Variants in PEPD observed in about 807,000 individuals in gnomAD.
PEPD encodes peptidase D, also known as xaa-Pro dipeptidase.
A neutral mutation model predicts 60.7 loss-of-function variants in PEPD; 53 were observed. The ratio of observed to expected loss-of-function variants is 0.87; its 90% CI spans 0.70 to 1.10. The LOEUF (loss-of-function observed/expected upper bound fraction) is 1.10, where lower values mean the gene tolerates loss of function less well. PEPD is among the 50% of genes least tolerant of loss of function. PEPD has a pLI of 0.00. For missense variants in PEPD, 711 were observed against 711.9 expected (o/e 1.00, Z 0.01); for synonymous variants, 267 against 284.1 (o/e 0.94, Z 0.60).
At chr19:33,462,405 C>T (rs1969941835) in intron 9 of PEPD, among the ~76,000 whole-genome samples, 1 of 152,194 alleles carries the variant, frequency 6.6e-6, no homozygotes, top group Non-Finnish European at 1.5e-5. Flanking sequence ...TTGGGTCTGA[C>T]CCAAAGGTTT....
At chr19:33,501,391 T>C (rs755638825) in intron 3 of PEPD, among the ~76,000 whole-genome samples, 1 of 152,158 alleles carries the variant, frequency 6.6e-6, no homozygotes, top group Non-Finnish European at 1.5e-5. Context: ...ATGGAGCATC[T>C]TTAAAGGAAA....
At chr19:33,468,331 A>C (rs758512358) in intron 7 of PEPD, among the ~76,000 whole-genome samples, 6 of 152,254 alleles carry the variant, frequency 3.9e-5, no homozygotes, top group Admixed American at 3.3e-4. Context: ...GTGTCTGAGG[A>C]TGCAGACCAG....
chr19:33,510,855 T>C (rs1439507153), intron 3 of PEPD, among the ~76,000 whole-genome samples, 173 bp downstream of exon 3: 2 of 152,038 alleles, frequency 1.3e-5, no homozygotes, highest in Non-Finnish European at 2.9e-5. Context: ...CAGCCAAGGG[T>C]GCAGGGCTCT....
intron 8 of PEPD, 62 bp downstream of exon 8, chr19:33,463,925 A>G: frequency 9.1e-7 from 1 of 1,101,090 alleles, no homozygotes; most frequent in South Asian, 1.3e-5. Context: ...ATCCTCACGC[A>G]GTTCTCTCGC....
chr19:33,475,993 AG>A (rs1970206738), intron 7 of PEPD, among the ~76,000 whole-genome samples: 1 of 152,112 alleles, frequency 6.6e-6, no homozygotes, highest in East Asian at 1.9e-4. Flanking sequence ...CCAAGAAGCT[AG>A]GACTATAGGA....
chr19:33,451,382 C>G (rs1969697093), intron 9 of PEPD, among the ~76,000 whole-genome samples: 1 of 152,124 alleles, frequency 6.6e-6, no homozygotes, highest in African/African-American at 2.4e-5. Context: ...AATTGTTTAA[C>G]TTTTGAACAT....
intron 9 of PEPD, among the ~76,000 whole-genome samples, chr19:33,460,476 T>C (rs940823496): frequency 3.9e-5 from 6 of 152,066 alleles, no homozygotes; most frequent in Admixed American, 1.3e-4. Flanking sequence ...GATGTGACAC[T>C]TTCCCCAGAC....
intron 9 of PEPD, among the ~76,000 whole-genome samples, chr19:33,415,365 C>A (rs1968869264): frequency 6.6e-6 from 1 of 152,210 alleles, no homozygotes; most frequent in Non-Finnish European, 1.5e-5. Context: ...GAGGAACTCA[C>A]ATATTCTACA....
chr19:33,430,339 AG>A (rs1969241623), intron 9 of PEPD, among the ~76,000 whole-genome samples: 1 of 152,082 alleles, frequency 6.6e-6, no homozygotes, highest in African/African-American at 2.4e-5. Context: ...AGAGACGGCG[AG>A]GTAGGGTTGA....
At chr19:33,473,007 T>C (rs1970152301) in intron 7 of PEPD, among the ~76,000 whole-genome samples, 2 of 152,142 alleles carry the variant, frequency 1.3e-5, no homozygotes, top group South Asian at 4.1e-4. Flanking sequence ...ACCAAAGCCA[T>C]GAAGAAAATG....
intron 9 of PEPD, among the ~76,000 whole-genome samples, chr19:33,441,722 G>T (rs1274100445): frequency 6.6e-6 from 1 of 152,240 alleles, no homozygotes; most frequent in Admixed American, 6.5e-5. Flanking sequence ...GTGGCTGGGG[G>T]ATCTGAGCCC....
chr19:33,401,579 A>T (rs1968491412), intron 12 of PEPD, 142 bp downstream of exon 12: 4 of 806,732 alleles, frequency 5.0e-6, no homozygotes, highest in Admixed American at 4.0e-5. Context: ...ACCTGACGCC[A>T]CTGGAATCTC....
chr19:33,456,384 C>A (rs529172450), intron 9 of PEPD, among the ~76,000 whole-genome samples: 50 of 152,188 alleles, frequency 3.3e-4, no homozygotes, highest in Non-Finnish European at 5.9e-4. Context: ...TCCCCCTAGG[C>A]ATGGCCAGCC....
Position 33,464,500 on chromosome 19 carries a change from G to A in PEPD, c.549-438C>T, listed in dbSNP as rs1031682483. 2.0e-5 allele frequency among the ~76,000 whole-genome samples: 3 copies of A among 152,158 alleles called. No homozygotes were observed. In the East Asian group the frequency reaches 5.8e-4, roughly 29 times the overall value. On this transcript the variant is annotated intron_variant, in intron 7 of 14. Transcript: ENST00000244137. Reference sequence around the variant, plus strand: ...CTGTCCTGTTGGCTGAAGAGGCCTCGTTTCCTCCCCACCCCCACCCACCTG... The same window carrying A: ...CTGTCCTGTTGGCTGAAGAGGCCTCATTTCCTCCCCACCCCCACCCACCTG...
At chr19:33,459,727 C>G (rs1311519217) in intron 9 of PEPD, among the ~76,000 whole-genome samples, 1 of 151,276 alleles carries the variant, frequency 6.6e-6, no homozygotes, top group Non-Finnish European at 1.5e-5. Flanking sequence ...GATAATAAAA[C>G]AAAAACAGAT....
intron 6 of PEPD, among the ~76,000 whole-genome samples, chr19:33,479,570 C>G (rs1970278646): frequency 6.6e-6 from 1 of 152,146 alleles, no homozygotes; most frequent in South Asian, 2.1e-4. Context: ...CTTCCTCCTC[C>G]CACCCTCCAC....
intron 4 of PEPD, among the ~76,000 whole-genome samples, chr19:33,493,614 C>T (rs1321661202): frequency 6.6e-6 from 1 of 152,148 alleles, no homozygotes; most frequent in Non-Finnish European, 1.5e-5. Context: ...ACACAGATCC[C>T]TGGCTCCAAG....
chr19:33,490,044 G>T lies in PEPD; in HGVS notation c.455C>A (p.Thr152Lys), dbSNP rs764150369. 6.2e-7 allele frequency: 1 copy of T among 1,612,028 alleles called. No homozygotes were observed. The highest frequency in any genetic ancestry group is 8.5e-7 in the Non-Finnish European group (1 of 1,178,604). ...CTCCCTGCAGACACTGCCGCTGTCC[G>T]TGTTGACGCCACGCTGGGGAGAGAG... ...SVLLTLRGVN[T>K]DSGSVCREAS... Residue 152 changes from threonine to lysine, a missense_variant, in exon 6 of 15, where the codon ACG (threonine) becomes AAG (lysine). Physicochemically the swap from Thr to Lys is moderately conservative, Grantham distance 78. Coordinates refer to ENST00000244137, the MANE Select transcript of PEPD (RefSeq NM_000285.4).
At chr19:33,393,224 GCC>G in intron 12 of PEPD, among the ~76,000 whole-genome samples, 1 of 122,160 alleles carries the variant, frequency 8.2e-6, no homozygotes, top group Non-Finnish European at 1.7e-5. Flanking sequence ...CGTCGGGGAG[GCC>G]GTCCCGGGGT....
Sources: gnomAD v4.1 joint callset for allele counts (sites outside exome capture counted in the v4.1 genomes callset) on GRCh38, gnomAD v4.1.1 for gene constraint, MANE v1.5 for transcripts, NCBI Gene and HGNC (gene_info 2026-07-23, HGNC 2026-07-21) for gene names.